TAS2R1: variants seen among roughly 807,000 people sequenced by gnomAD.
The protein encoded by TAS2R1 is taste receptor type 2 member 1.
For synonymous variants in TAS2R1, 141 were observed against 134.2 expected (o/e 1.05, Z -0.35); for missense variants, 370 against 353.4 (o/e 1.05, Z -0.38).
At chr5:9,835,718 G>A in the TAS2R1 span, among the ~76,000 whole-genome samples, 2 of 152,122 alleles carry the variant, frequency 1.3e-5, no homozygotes, top group Non-Finnish European at 2.9e-5. Context: ...AGGAAGCCTG[G>A]GAGGGCCTGG....
chr5:9,703,231 T>G (rs1399478892), intron 1 of TAS2R1, among the ~76,000 whole-genome samples: 1 of 152,180 alleles, frequency 6.6e-6, no homozygotes, highest in Non-Finnish European at 1.5e-5. Context: ...GATTTCATCA[T>G]GGCCATGGCT....
At chr5:9,834,718 T>C in the TAS2R1 span, among the ~76,000 whole-genome samples, 1 of 151,118 alleles carries the variant, frequency 6.6e-6, no homozygotes, top group African/African-American at 2.4e-5. Context: ...GGGGTAGTGC[T>C]GACAGTTTCA....
chr5:9,737,459 G>T, the TAS2R1 span, among the ~76,000 whole-genome samples: 22 of 152,312 alleles, frequency 1.4e-4, no homozygotes, highest in African/African-American at 4.8e-4. Context: ...AATCATGCAT[G>T]CTGAGTGCTT....
the TAS2R1 span, among the ~76,000 whole-genome samples, chr5:9,830,471 GAC>G: frequency 6.6e-6 from 1 of 152,082 alleles, no homozygotes; most frequent in Non-Finnish European, 1.5e-5. Context: ...ATAGATGACA[GAC>G]ACAGAAAAAT....
At chr5:9,872,437 T>C in the TAS2R1 span, among the ~76,000 whole-genome samples, 1 of 152,186 alleles carries the variant, frequency 6.6e-6, no homozygotes, top group African/African-American at 2.4e-5. Flanking sequence ...CTTAAGCCAG[T>C]GCAAAAAAAG....
At chr5:9,681,519 C>T (rs1740994399) in intron 1 of TAS2R1, among the ~76,000 whole-genome samples, 1 of 82,316 alleles carries the variant, frequency 1.2e-5, no homozygotes, top group African/African-American at 4.9e-5. Flanking sequence ...CAGGGGACTT[C>T]TCATGTTTCT....
At chr5:9,831,465 A>G in the TAS2R1 span, among the ~76,000 whole-genome samples, 1 of 152,196 alleles carries the variant, frequency 6.6e-6, no homozygotes, top group African/African-American at 2.4e-5. Flanking sequence ...ACAGAAATAT[A>G]TATATGCAAT....
At chr5:9,776,123 C>A in the TAS2R1 span, among the ~76,000 whole-genome samples, 1 of 152,224 alleles carries the variant, frequency 6.6e-6, no homozygotes, top group Non-Finnish European at 1.5e-5. Flanking sequence ...GTTCTCACCA[C>A]TGGGATAGGT....
the TAS2R1 span, chr5:9,765,678 A>G: frequency 5.9e-5 from 9 of 152,214 alleles, no homozygotes; most frequent in Admixed American, 5.2e-4. Flanking sequence ...AGAAAGTCCT[A>G]AAGACATGCT....
chr5:9,851,006 T>C, the TAS2R1 span, among the ~76,000 whole-genome samples: 8,885 of 152,198 alleles, frequency 0.058, 625 homozygotes, highest in East Asian at 0.23. Flanking sequence ...TGGAAATGAA[T>C]GTTGTCTCTT....
chr5:9,881,999 T>C, the TAS2R1 span, among the ~76,000 whole-genome samples: 30 of 152,158 alleles, frequency 2.0e-4, no homozygotes, highest in East Asian at 3.5e-3. Flanking sequence ...AAAGTGAAAA[T>C]TGACAAACAG....
the TAS2R1 span, among the ~76,000 whole-genome samples, chr5:9,762,735 C>T: frequency 6.6e-6 from 1 of 152,090 alleles, no homozygotes; most frequent in Admixed American, 6.6e-5. Flanking sequence ...TGGCAAAGTT[C>T]ACACCACTTG....
intron 1 of TAS2R1, among the ~76,000 whole-genome samples, chr5:9,686,106 C>T (rs1579783281): frequency 1.3e-5 from 2 of 152,292 alleles, no homozygotes; most frequent in Middle Eastern, 6.8e-3. Context: ...CTCAGGAGAT[C>T]TGCCTGCCTC....
chr5:9,660,080 A>G (rs1431358138), intron 1 of TAS2R1: 1 of 137,404 alleles, frequency 7.3e-6, no homozygotes, highest in Non-Finnish European at 1.5e-5. Flanking sequence ...TTTTTTTGAG[A>G]CAGCGTCTGG....
chr5:9,882,844 G>T, the TAS2R1 span, among the ~76,000 whole-genome samples: 1 of 151,982 alleles, frequency 6.6e-6, no homozygotes, highest in African/African-American at 2.4e-5. Context: ...AGGAATATAG[G>T]AATATAAACC....
chr5:9,629,574 T>C lies in TAS2R1; in HGVS notation c.459A>G (p.Pro153=). 6.2e-7 allele frequency: 1 copy of C among 1,614,200 alleles called. No homozygotes were observed. The highest frequency in any genetic ancestry group is 8.5e-7 in the Non-Finnish European group (1 of 1,180,042). Residue 153 remains proline (P), a synonymous_variant, in exon 1 of 1, where the codon CCA becomes CCG. Coordinates refer to ENST00000382492, the MANE Select transcript of TAS2R1 (RefSeq NM_019599.3). ...GGGAGAAAAATTTCCTTAGGAAGTA[T>C]GGGACCATAAACCCTGCATATTTGC... ...FHSKYAGFMV[P]YFLRKFFSQN... is the part of the protein sequence containing the mutation.
intron 2 of TAS2R1, among the ~76,000 whole-genome samples, chr5:9,639,538 G>T (rs1354155781): frequency 1.3e-5 from 2 of 152,122 alleles, no homozygotes; most frequent in African/African-American, 2.4e-5. Context: ...GGTTTTCCTG[G>T]CATGTTCCTG....
chr5:9,782,735 A>ATCTTT, the TAS2R1 span, among the ~76,000 whole-genome samples: 3 of 152,182 alleles, frequency 2.0e-5, no homozygotes, highest in Admixed American at 2.0e-4. Context: ...AAGGCAATAC[A>ATCTTT]TCTTTTCTTT....
the TAS2R1 span, among the ~76,000 whole-genome samples, chr5:9,726,280 G>A: frequency 6.6e-5 from 10 of 152,120 alleles, no homozygotes; most frequent in African/African-American, 2.2e-4. Context: ...TCTGTATCTA[G>A]CTAATCTGGT....
Sources: gnomAD v4.1 joint callset for allele counts (sites outside exome capture counted in the v4.1 genomes callset) on GRCh38, gnomAD v4.1.1 for gene constraint, MANE v1.5 for transcripts, NCBI Gene and HGNC (gene_info 2026-07-23, HGNC 2026-07-21) for gene names.